The following PIGH variants were observed in gnomAD, a reference collection of about 807,000 sequenced individuals.
PIGH encodes the protein phosphatidylinositol glycan anchor biosynthesis class H, also known as phosphatidylinositol N-acetylglucosaminyltransferase subunit H.
Under a neutral mutation model 20.1 loss-of-function variants are expected in PIGH, and 11 were observed. The observed-to-expected ratio is 0.55, with a 90% CI of 0.34 to 0.91. The LOEUF (loss-of-function observed/expected upper bound fraction) is 0.91, where lower values mean the gene tolerates loss of function less well. Ranked by LOEUF, PIGH falls within the 40% of genes least tolerant of loss-of-function variation. The pLI is 0.02. For missense variants in PIGH, 189 were observed against 233.6 expected (o/e 0.81, Z 1.24); for synonymous variants, 72 against 93.1 (o/e 0.77, Z 1.31).
rs2140656813 is a variant in PIGH at position 67,600,102 on chromosome 14, A to G, written c.102T>C (p.Pro34=). 1 of 1,596,342 alleles carries G rather than the reference A, an allele frequency of 6.3e-7. No homozygotes were observed. Among genetic ancestry groups the G allele is most frequent in the East Asian group, 2.3e-5 (1 of 43,890 alleles). Residue 34 remains proline (P), a synonymous_variant, in exon 1 of 4, where the codon CCT becomes CCC. Coordinates refer to ENST00000216452, the MANE Select transcript of PIGH (RefSeq NM_004569.5). ...PSCREFCLSC[P]RLSLRSLTAV... is the part of the protein sequence containing the mutation. ...CGGTGAGCGAACGCAGCGAGAGCCG[A>G]GGGCAGCTGAGGCAGAATTCCCGGC...
In PIGH at chr14:67,600,099, C is replaced by A; in HGVS notation, c.105G>T (p.Arg35=). ...CAGCGGTGAGCGAACGCAGCGAGAG[C>A]CGAGGGCAGCTGAGGCAGAATTCCC... ...SCREFCLSCP[R]LSLRSLTAVT... Residue 35 remains arginine (R), a synonymous_variant, in exon 1 of 4, where the codon CGG becomes CGT. Coordinates refer to ENST00000216452, the MANE Select transcript of PIGH (RefSeq NM_004569.5). 1 of 1,595,872 alleles carries A rather than the reference C, an allele frequency of 6.3e-7. No individual in the cohort carries two copies. Among genetic ancestry groups the A allele is most frequent in the Non-Finnish European group, 8.5e-7 (1 of 1,171,640 alleles).
chr14:67,595,598 A>G (rs2036459059), intron 1 of PIGH, among the ~76,000 whole-genome samples: 2 of 152,340 alleles, frequency 1.3e-5, no homozygotes, highest in South Asian at 4.1e-4. Flanking sequence ...TGGCCAATGA[A>G]ATGTGAGGGG....
chr14:67,593,084 G>T (rs986376214), intron 2 of PIGH, among the ~76,000 whole-genome samples: 3 of 152,220 alleles, frequency 2.0e-5, no homozygotes, highest in Admixed American at 2.0e-4. Flanking sequence ...ACCACACCTG[G>T]CCACATTCTA....
chr14:67,593,647 T>C, intron 2 of PIGH, 96 bp downstream of exon 2: 1 of 689,194 alleles, frequency 1.5e-6, no homozygotes, highest in Non-Finnish European at 2.6e-6. Flanking sequence ...TAAATATAAG[T>C]CTCACTTTTA....
At chr14:67,599,384 A>G (rs1328406625) in intron 1 of PIGH, among the ~76,000 whole-genome samples, 2 of 152,234 alleles carry the variant, frequency 1.3e-5, no homozygotes, top group Non-Finnish European at 2.9e-5. Context: ...ATTGAGGCTC[A>G]GAGAAAACAG....
Position 67,600,245 on chromosome 14 carries a change from G to GCGCTC in PIGH, c.-47_-43dup. Reference sequence around the variant, plus strand: ...CGCCCGCACCGCGCGGCGCTGCACTGCGCTCGCCGGCCCTGGCCGTCTCGC... The same window carrying GCGCTC: ...CGCCCGCACCGCGCGGCGCTGCACTGCGCTCCGCTCGCCGGCCCTGGCCGTCTCGC... On this transcript the variant is annotated 5_prime_UTR_variant, in exon 1 of 4. Coordinates refer to ENST00000216452, the MANE Select transcript of PIGH (RefSeq NM_004569.5). 1.3e-6 allele frequency: 2 copies of GCGCTC among 1,482,324 alleles called. No individual in the cohort carries two copies. The allele number at this position is 1,482,324 out of a possible 1,614,324, so 91.8% of individuals were successfully genotyped here. A position where few individuals can be genotyped will look rare whatever the true frequency, so the allele number is the denominator to read the frequency against.
chr14:67,590,692 G>GGGTATAAATGACACAGCAGT (rs1455807357), intron 3 of PIGH, among the ~76,000 whole-genome samples: 2 of 152,098 alleles, frequency 1.3e-5, no homozygotes, highest in African/African-American at 4.8e-5. Flanking sequence ...CCACATCAAG[G>GGGTATAAATGACACAGCAGT]GGTATAAATG....
intron 1 of PIGH, among the ~76,000 whole-genome samples, chr14:67,594,942 G>C (rs1364292923): frequency 6.6e-6 from 1 of 152,036 alleles, no homozygotes; most frequent in Admixed American, 6.6e-5. Context: ...GAGGTCAGGA[G>C]ATCGAGACCA....
chr14:67,591,037 G>C (rs1031441939), intron 3 of PIGH, among the ~76,000 whole-genome samples: 2 of 151,934 alleles, frequency 1.3e-5, no homozygotes, highest in African/African-American at 4.8e-5. Flanking sequence ...ATATGTGAAA[G>C]TATATTTAAT....
intron 1 of PIGH, among the ~76,000 whole-genome samples, chr14:67,599,162 C>T (rs2036527761): frequency 6.6e-6 from 1 of 152,188 alleles, no homozygotes; most frequent in Admixed American, 6.5e-5. Context: ...ATCCAAGTTA[C>T]AAAAATAAAT....
Position 67,593,990 on chromosome 14 carries a change from A to G in PIGH, c.181-38T>C, listed in dbSNP as rs560581593. ...CCAGACACAGACAGTAAGATTACCA[A>G]GTGGTACCAGTCAACTCCAGGCAAT... On this transcript the variant is annotated intron_variant, in intron 1 of 3. Coordinates refer to ENST00000216452, the MANE Select transcript of PIGH (RefSeq NM_004569.5). The G allele has an allele frequency of 1.3e-5, 18 of 1,400,982 alleles. No individual in the cohort carries two copies. The Admixed American group carries it at 2.7e-4, about 21-fold the overall frequency. 86.8% of individuals were successfully genotyped at this position (1,400,982 alleles called of 1,614,324 possible). A position where few individuals can be genotyped will look rare whatever the true frequency, so the allele number is the denominator to read the frequency against.
At chr14:67,599,982 AC>A (rs2140656091) in intron 1 of PIGH, 41 bp downstream of exon 1, 1 of 1,504,498 alleles carries the variant, frequency 6.6e-7, no homozygotes, top group Non-Finnish European at 9.0e-7. Context: ...CCAAAGCCGA[AC>A]CCCCTCCTTC....
intron 1 of PIGH, among the ~76,000 whole-genome samples, chr14:67,598,506 T>G (rs2036514401): frequency 6.7e-6 from 1 of 148,358 alleles, no homozygotes; most frequent in Non-Finnish European, 1.5e-5. Flanking sequence ...CTTGGTTTCC[T>G]TCGTTCTAGG....
At chr14:67,595,108 G>C (rs950598397) in intron 1 of PIGH, among the ~76,000 whole-genome samples, 2 of 151,698 alleles carry the variant, frequency 1.3e-5, no homozygotes, top group Admixed American at 1.3e-4. Context: ...CTGCACTCCA[G>C]CCTGGGTGAC....
intron 1 of PIGH, among the ~76,000 whole-genome samples, chr14:67,594,847 G>T (rs923342305): frequency 2.0e-5 from 3 of 151,972 alleles, no homozygotes; most frequent in African/African-American, 7.2e-5. Context: ...TACCTTAAAC[G>T]TGCTCAGAAC....
chr14:67,596,549 A>T (rs1376827186), intron 1 of PIGH, among the ~76,000 whole-genome samples: 1 of 152,102 alleles, frequency 6.6e-6, no homozygotes, highest in East Asian at 1.9e-4. Context: ...GTGTCTTATT[A>T]TTCTTTGCAC....
intron 3 of PIGH, 98 bp from the exon 4 acceptor site, chr14:67,590,270 TGA>T: frequency 2.5e-6 from 2 of 789,156 alleles, no homozygotes; most frequent in African/African-American, 1.8e-5. Flanking sequence ...TTTTTTTTTT[TGA>T]GACAGAGTTT....
In PIGH at chr14:67,600,244, T is replaced by TGCACC; in HGVS notation, c.-42_-41insGGTGC. 1 of 1,490,932 alleles carries TGCACC rather than the reference T, an allele frequency of 6.7e-7. No individual in the cohort carries two copies. Among genetic ancestry groups the TGCACC allele is most frequent in the South Asian group, 1.3e-5 (1 of 77,068 alleles). The allele number at this position is 1,490,932 out of a possible 1,614,324, so 92.4% of individuals were successfully genotyped here. Reference sequence around the variant, plus strand: ...CCGCCCGCACCGCGCGGCGCTGCACTGCGCTCGCCGGCCCTGGCCGTCTCG... The same window carrying TGCACC: ...CCGCCCGCACCGCGCGGCGCTGCACTGCACCGCGCTCGCCGGCCCTGGCCGTCTCG... On this transcript the variant is annotated 5_prime_UTR_variant, in exon 1 of 4. Coordinates refer to ENST00000216452, the MANE Select transcript of PIGH (RefSeq NM_004569.5).
At chr14:67,596,093 T>C (rs898956757) in intron 1 of PIGH, among the ~76,000 whole-genome samples, 5 of 152,136 alleles carry the variant, frequency 3.3e-5, no homozygotes, top group African/African-American at 1.2e-4. Flanking sequence ...TGTGTTTCTT[T>C]CATGTGGCAT....
Sources: allele counts gnomAD v4.1 joint callset (sites outside exome capture counted in the v4.1 genomes callset), GRCh38; gene constraint gnomAD v4.1.1; transcripts MANE v1.5; gene names NCBI Gene and HGNC (gene_info 2026-07-23, HGNC 2026-07-21).